Variants in AUTS2 observed in about 807,000 individuals in gnomAD.
The protein encoded by AUTS2 is activator of transcription and developmental regulator AUTS2.
A neutral mutation model predicts 112.4 loss-of-function variants in AUTS2; 17 were observed. That is an observed-to-expected ratio of 0.15 (90% CI 0.10 to 0.23). The LOEUF (loss-of-function observed/expected upper bound fraction) is 0.23, where lower values mean the gene tolerates loss of function less well. AUTS2 is among the 10% of genes least tolerant of loss of function. The pLI is 1.00. For missense variants in AUTS2, 1,510 were observed against 1,701.6 expected, an observed-to-expected ratio of 0.89 and a Z score of 1.98; for synonymous variants, 751 against 702.7, an observed-to-expected ratio of 1.07 and a Z score of -1.09.
chr7:70,139,423 A>G (rs917289025), intron 4 of AUTS2, among the ~76,000 whole-genome samples: 7 of 152,140 alleles, frequency 4.6e-5, no homozygotes, highest in South Asian at 2.1e-4. Context: ...TTATTTTCCC[A>G]TTGCTCTAGT....
intron 1 of AUTS2, among the ~76,000 whole-genome samples, chr7:69,814,849 C>T (rs1187586194): frequency 6.6e-6 from 1 of 152,218 alleles, no homozygotes; most frequent in Non-Finnish European, 1.5e-5. Flanking sequence ...GAATGCTCCG[C>T]CCTTGACAGT....
At chr7:70,434,415 C>T (rs766334583) in intron 4 of AUTS2, among the ~76,000 whole-genome samples, 3 of 152,176 alleles carry the variant, frequency 2.0e-5, no homozygotes, top group Non-Finnish European at 4.4e-5. Context: ...TTTCCTGTTT[C>T]TGTTCAAAGC....
At chr7:69,996,302 A>C (rs1798940919) in intron 2 of AUTS2, among the ~76,000 whole-genome samples, 1 of 152,194 alleles carries the variant, frequency 6.6e-6, no homozygotes, top group African/African-American at 2.4e-5. Context: ...CTCTTCTGTC[A>C]GCACAGCTAG....
rs201047003 is a variant in AUTS2, at chr7:69,671,486, G to GGTGTGT, written c.309+71557_309+71562dup. 2.2e-3 allele frequency among the ~76,000 whole-genome samples: 300 copies of GGTGTGT among 138,596 alleles called. 5 individuals are homozygous for GGTGTGT. Among genetic ancestry groups the GGTGTGT allele is most frequent in the African/African-American group, 6.6e-3 (247 of 37,354 alleles). 90.9% of individuals were successfully genotyped at this position (138,596 alleles called of 152,430 possible). On this transcript the variant is annotated intron_variant, in intron 1 of 18. Transcript: ENST00000342771. ...AAATGTTTTGGCTGCTGCTGCTGCT[G>GGTGTGT]GTGTGTGTGTGTGTGTGTGTGTGTG...
chr7:70,355,167 C>T (rs189847879), intron 4 of AUTS2, among the ~76,000 whole-genome samples: 23 of 151,692 alleles, frequency 1.5e-4, no homozygotes, highest in Middle Eastern at 3.4e-3. Flanking sequence ...CTTGTCTTAA[C>T]GAGTTTCCGA....
chr7:69,926,707 T>C (rs1755822173), intron 2 of AUTS2, among the ~76,000 whole-genome samples: 1 of 150,228 alleles, frequency 6.7e-6, no homozygotes, highest in Admixed American at 6.7e-5. Flanking sequence ...GTTCCCATAT[T>C]AGCTACAATT....
chr7:69,718,326 G>A (rs745884008), intron 1 of AUTS2, among the ~76,000 whole-genome samples: 1 of 152,076 alleles, frequency 6.6e-6, no homozygotes, highest in African/African-American at 2.4e-5. Context: ...TTACATTTTT[G>A]TAGGCTAGAA....
At chr7:70,374,645 T>C (rs1793002033) in intron 4 of AUTS2, among the ~76,000 whole-genome samples, 1 of 152,210 alleles carries the variant, frequency 6.6e-6, no homozygotes. Flanking sequence ...GAGTAACCTT[T>C]CAACTGGCAT....
At chr7:69,749,757 C>T (rs1425782141) in intron 1 of AUTS2, among the ~76,000 whole-genome samples, 1 of 152,140 alleles carries the variant, frequency 6.6e-6, no homozygotes, top group Non-Finnish European at 1.5e-5. Flanking sequence ...GCCATGTTGA[C>T]AAATGTTGCT....
intron 4 of AUTS2, among the ~76,000 whole-genome samples, chr7:70,434,985 C>T (rs192411024): frequency 1.6e-4 from 25 of 152,140 alleles, no homozygotes; most frequent in African/African-American, 6.0e-4. Context: ...ATCCCAAAGA[C>T]TGGGGTTAAT....
chr7:69,675,229 T>A (rs1042850369), intron 1 of AUTS2, among the ~76,000 whole-genome samples: 1 of 152,200 alleles, frequency 6.6e-6, no homozygotes, highest in Non-Finnish European at 1.5e-5. Context: ...TGTGGCCTAC[T>A]TCCTTGATGA....
chr7:69,693,806 A>AG (rs1797445010), intron 1 of AUTS2, among the ~76,000 whole-genome samples: 1 of 152,250 alleles, frequency 6.6e-6, no homozygotes, highest in African/African-American at 2.4e-5. Flanking sequence ...ACATTGCTTT[A>AG]GCCTGGTGGT....
intron 3 of AUTS2, among the ~76,000 whole-genome samples, chr7:70,122,075 G>A (rs1805710344): frequency 6.6e-6 from 1 of 152,106 alleles, no homozygotes; most frequent in Non-Finnish European, 1.5e-5. Context: ...CTAAATAAAA[G>A]CAAGACAAAG....
chr7:69,890,036 G>T (rs1253973001), intron 1 of AUTS2, among the ~76,000 whole-genome samples: 2 of 151,888 alleles, frequency 1.3e-5, no homozygotes, highest in Non-Finnish European at 2.9e-5. Flanking sequence ...TTTTTTTAAG[G>T]TTTCCTTTTC....
chr7:70,532,066 A>T (rs538886688), intron 5 of AUTS2, among the ~76,000 whole-genome samples: 1 of 152,146 alleles, frequency 6.6e-6, no homozygotes, highest in South Asian at 2.1e-4. Flanking sequence ...GGGACAGTTC[A>T]TCTCTGCTCC....
intron 1 of AUTS2, among the ~76,000 whole-genome samples, chr7:69,702,054 T>C (rs932390383): frequency 6.6e-6 from 1 of 152,192 alleles, no homozygotes; most frequent in East Asian, 1.9e-4. Flanking sequence ...TCCTCTTTAT[T>C]TGACTAATGA....
At chr7:70,029,071 C>A (rs771495713) in intron 2 of AUTS2, among the ~76,000 whole-genome samples, 7 of 152,112 alleles carry the variant, frequency 4.6e-5, no homozygotes, top group Non-Finnish European at 1.0e-4. Flanking sequence ...GCTAGACTGA[C>A]GGGCTGGAAT....
intron 4 of AUTS2, among the ~76,000 whole-genome samples, chr7:70,339,484 TTC>T (rs1791156764): frequency 6.6e-6 from 1 of 152,222 alleles, no homozygotes; most frequent in Non-Finnish European, 1.5e-5. Flanking sequence ...CTGAGAATTT[TTC>T]TCTCTCTCCA....
chr7:70,728,639 C>T (rs1787172893), intron 6 of AUTS2, among the ~76,000 whole-genome samples: 1 of 139,654 alleles, frequency 7.2e-6, no homozygotes, highest in Non-Finnish European at 1.5e-5. Flanking sequence ...ACCTGGGAGG[C>T]GGAGGTTGCA....
Sources: gnomAD v4.1 joint callset for allele counts (sites outside exome capture counted in the v4.1 genomes callset) on GRCh38, gnomAD v4.1.1 for gene constraint, MANE v1.5 for transcripts, NCBI Gene and HGNC (gene_info 2026-07-23, HGNC 2026-07-21) for gene names.